The following GRAMD1C variants were observed in gnomAD, a reference collection of about 807,000 sequenced individuals.
The protein encoded by GRAMD1C is protein Aster-C.
A neutral mutation model predicts 97.8 loss-of-function variants in GRAMD1C; 89 were observed. The observed-to-expected ratio is 0.91, with a 90% confidence interval of 0.77 to 1.09. The LOEUF is 1.09. Ranked by LOEUF, GRAMD1C falls within the 50% of genes least tolerant of loss-of-function variation. The pLI, the probability that GRAMD1C is intolerant of heterozygous loss-of-function variation, is 0.00. For synonymous variants in GRAMD1C, 256 were observed against 267.0 expected, an observed-to-expected ratio of 0.96 and a Z score of 0.40; for missense variants, 740 against 766.4, an observed-to-expected ratio of 0.97 and a Z score of 0.41.
intron 2 of GRAMD1C, among the ~76,000 whole-genome samples, chr3:113,864,221 T>C (rs1934501320): frequency 6.6e-6 from 1 of 152,014 alleles, no homozygotes; most frequent in African/African-American, 2.4e-5. Flanking sequence ...CAAGTGATTC[T>C]CCCTGCCTCA....
At chr3:113,928,394 T>G (rs981102477) in intron 10 of GRAMD1C, among the ~76,000 whole-genome samples, 2 of 152,198 alleles carry the variant, frequency 1.3e-5, no homozygotes, top group Admixed American at 1.3e-4. Context: ...TATGTAAAGC[T>G]TCAGAAAAAT....
At chr3:113,844,737 CCTT>C in intron 2 of GRAMD1C, 88 bp downstream of exon 2, 1 of 900,526 alleles carries the variant, frequency 1.1e-6, no homozygotes, top group Non-Finnish European at 1.7e-6. Context: ...TGTAAAATTT[CCTT>C]CTTAGCTTCT....
At chr3:113,882,498 G>A (rs1935305767) in intron 5 of GRAMD1C, among the ~76,000 whole-genome samples, 1 of 151,936 alleles carries the variant, frequency 6.6e-6, no homozygotes, top group South Asian at 2.1e-4. Context: ...CCTATTTCAA[G>A]TCCCCATTGC....
At chr3:113,898,775 C>T (rs1936033818) in intron 6 of GRAMD1C, among the ~76,000 whole-genome samples, 1 of 152,124 alleles carries the variant, frequency 6.6e-6, no homozygotes. Flanking sequence ...TTTCACTTAA[C>T]TTGAATAGCT....
At chr3:113,930,941 A>G (rs1937395613) in intron 11 of GRAMD1C, 109 bp downstream of exon 11, 1 of 623,660 alleles carries the variant, frequency 1.6e-6, no homozygotes, top group Non-Finnish European at 2.9e-6. Context: ...AGTGGCAAGA[A>G]AAAAGGGAGG....
chr3:113,881,152 AT>A (rs1935243466), intron 5 of GRAMD1C, among the ~76,000 whole-genome samples: 1 of 152,030 alleles, frequency 6.6e-6, no homozygotes, highest in Non-Finnish European at 1.5e-5. Flanking sequence ...AATTTAATTT[AT>A]TTATTTATTA....
upstream of GRAMD1C, among the ~76,000 whole-genome samples, chr3:113,835,113 C>T (rs1709616357): frequency 6.6e-6 from 1 of 151,776 alleles, no homozygotes; most frequent in South Asian, 2.1e-4. Flanking sequence ...AAGCATTCCC[C>T]TGATTGTGGT....
upstream of GRAMD1C, among the ~76,000 whole-genome samples, chr3:113,836,610 T>A (rs1327311665): frequency 6.6e-6 from 1 of 151,792 alleles, no homozygotes. Context: ...AAAGACACCC[T>A]GCAACATAGC....
intron 6 of GRAMD1C, among the ~76,000 whole-genome samples, chr3:113,892,209 C>T (rs567740020): frequency 6.5e-4 from 99 of 152,116 alleles, no homozygotes; most frequent in African/African-American, 2.2e-3. Flanking sequence ...GCAGTGCTCA[C>T]GCCTGTAATC....
chr3:113,928,115 C>G (rs1322174155), intron 10 of GRAMD1C, among the ~76,000 whole-genome samples: 6 of 152,154 alleles, frequency 3.9e-5, no homozygotes, highest in African/African-American at 1.4e-4. Flanking sequence ...AGGAGCTTTT[C>G]CTGGCTCTGT....
intron 5 of GRAMD1C, among the ~76,000 whole-genome samples, chr3:113,880,396 G>C (rs1935211242): frequency 6.6e-6 from 1 of 151,986 alleles, no homozygotes; most frequent in East Asian, 1.9e-4. Context: ...AATCTTACAT[G>C]TGTTGTTTTT....
Position 113,946,106 on chromosome 3 carries a change from T to C in GRAMD1C, c.*628T>C, listed in dbSNP as rs1177322505. 1 of 152,576 alleles carries C rather than the reference T, an allele frequency of 6.6e-6. No homozygotes were observed. Among genetic ancestry groups the C allele is most frequent in the African/African-American group, 2.4e-5 (1 of 41,454 alleles). 9.5% of individuals were successfully genotyped at this position (152,576 alleles called of 1,614,324 possible). A position where few individuals can be genotyped will look rare whatever the true frequency, so the allele number is the denominator to read the frequency against. On this transcript the variant is annotated 3_prime_UTR_variant, in exon 18 of 18. Transcript: ENST00000358160. ...CTTTATGAAAGAAATAGTTGTTTTTTCTTAAGGTAACTATCAGAGGTGGGA... is the reference window on the plus strand; with the variant it reads ...CTTTATGAAAGAAATAGTTGTTTTTCCTTAAGGTAACTATCAGAGGTGGGA...
At chr3:113,872,654 C>T (rs1372581165) in intron 3 of GRAMD1C, among the ~76,000 whole-genome samples, 1 of 151,004 alleles carries the variant, frequency 6.6e-6, no homozygotes, top group Admixed American at 6.6e-5. Context: ...CTTGGCCTCC[C>T]AGAGTGCTGG....
intron 6 of GRAMD1C, among the ~76,000 whole-genome samples, chr3:113,883,417 TG>T (rs1935333108): frequency 6.6e-6 from 1 of 150,540 alleles, no homozygotes; most frequent in South Asian, 2.1e-4. Flanking sequence ...CCCAGCTACT[TG>T]GGAGGCTGAG....
chr3:113,915,774 G>A lies in GRAMD1C; in HGVS notation c.1026G>A (p.Met342Ile), dbSNP rs571823766. Reference sequence around the variant, plus strand: ...TTTTTCATATCAGTGCTGACAGAATGTTTGAATTGCTCTTTACCAGTTCAC... The same window carrying A: ...TTTTTCATATCAGTGCTGACAGAATATTTGAATTGCTCTTTACCAGTTCAC... ...NRIFHISADR[M>I]FELLFTSSRF... Residue 342 changes from methionine (M) to isoleucine (I), a missense_variant, in exon 10 of 18, where the codon ATG becomes ATA. Met to Ile is a conservative substitution (Grantham distance 10). Transcript: ENST00000358160. 3 of 1,610,518 alleles carry A rather than the reference G, an allele frequency of 1.9e-6. No homozygotes were observed. The South Asian group carries it at 3.3e-5, about 18-fold the overall frequency.
intron 1 of GRAMD1C, among the ~76,000 whole-genome samples, chr3:113,829,852 G>A (rs111621811): frequency 0.015 from 2,230 of 152,252 alleles, 51 homozygotes; most frequent in African/African-American, 0.049. Context: ...AGCCTACTGA[G>A]GTGATGTTGT....
intron 16 of GRAMD1C, 85 bp downstream of exon 16, chr3:113,940,081 A>T: frequency 1.1e-6 from 1 of 907,702 alleles, no homozygotes; most frequent in Non-Finnish European, 1.8e-6. Flanking sequence ...AGTTTCAGAG[A>T]CTGTGGTCTG....
chr3:113,864,706 GGAC>G (rs1290973785), intron 2 of GRAMD1C, among the ~76,000 whole-genome samples: 1 of 152,038 alleles, frequency 6.6e-6, no homozygotes, highest in Non-Finnish European at 1.5e-5. Context: ...ACATTTCTAC[GGAC>G]GTTCTGTTCA....
intron 1 of GRAMD1C, among the ~76,000 whole-genome samples, chr3:113,830,253 C>G (rs1709540164): frequency 6.6e-6 from 1 of 152,148 alleles, no homozygotes; most frequent in South Asian, 2.1e-4. Flanking sequence ...TTGCCTGCCT[C>G]TTTACTGTAC....
Sources: gnomAD v4.1 joint callset for allele counts (sites outside exome capture counted in the v4.1 genomes callset) on GRCh38, gnomAD v4.1.1 for gene constraint, MANE v1.5 for transcripts, NCBI Gene and HGNC (gene_info 2026-07-23, HGNC 2026-07-21) for gene names.